Variants in EIF4G3 observed in about 807,000 individuals in gnomAD.
The protein encoded by EIF4G3 is eukaryotic translation initiation factor 4 gamma 3, also known as eIF-4-gamma 3.
Under a neutral mutation model 186.4 loss-of-function variants are expected in EIF4G3, and 34 were observed. The observed-to-expected ratio is 0.18, with a 90% CI of 0.14 to 0.24. The LOEUF (loss-of-function observed/expected upper bound fraction) is 0.24, where lower values mean the gene tolerates loss of function less well. EIF4G3 is among the 10% of genes least tolerant of loss of function. The probability of loss-of-function intolerance (pLI) is 1.00; values close to 1 mark genes in which losing one functional copy is unlikely to be tolerated. For missense variants in EIF4G3, 1,536 were observed against 1,948.5 expected, an observed-to-expected ratio of 0.79 and a Z score of 3.99; for synonymous variants, 673 against 679.5, an observed-to-expected ratio of 0.99 and a Z score of 0.15.
At chr1:20,848,877 C>T (rs1002556849) in intron 29 of EIF4G3, among the ~76,000 whole-genome samples, 1 of 151,312 alleles carries the variant, frequency 6.6e-6, no homozygotes, top group African/African-American at 2.4e-5. Context: ...TGAAACCCCG[C>T]CTCTACTAAA....
intron 3 of EIF4G3, among the ~76,000 whole-genome samples, chr1:21,081,700 T>C (rs1160290124): frequency 2.7e-5 from 4 of 146,466 alleles, no homozygotes; most frequent in African/African-American, 1.0e-4. Flanking sequence ...TGGAGTGCAG[T>C]GGTGCATCTC....
intron 14 of EIF4G3, among the ~76,000 whole-genome samples, chr1:20,939,185 A>C (rs2095622363): frequency 6.6e-6 from 1 of 151,844 alleles, no homozygotes; most frequent in African/African-American, 2.4e-5. Flanking sequence ...GATTTTGAAG[A>C]CTATTAAGAT....
intron 3 of EIF4G3, among the ~76,000 whole-genome samples, chr1:21,074,335 G>A (rs1006143524): frequency 6.6e-6 from 1 of 152,020 alleles, no homozygotes; most frequent in African/African-American, 2.4e-5. Context: ...TATCTCTGGG[G>A]GTAAACTCAC....
chr1:20,925,470 A>C (rs925296090), intron 14 of EIF4G3, among the ~76,000 whole-genome samples: 10 of 152,230 alleles, frequency 6.6e-5, no homozygotes, highest in African/African-American at 2.4e-4. Context: ...CAAAAGCCCT[A>C]ATAGTTTTTG....
chr1:21,084,892 T>C (rs981491689), intron 3 of EIF4G3, among the ~76,000 whole-genome samples: 10 of 152,098 alleles, frequency 6.6e-5, no homozygotes, highest in African/African-American at 2.2e-4. Context: ...TCTTATCCCA[T>C]AAAGATGTAA....
intron 2 of EIF4G3, among the ~76,000 whole-genome samples, chr1:21,145,716 T>C (rs2097427979): frequency 1.3e-5 from 2 of 152,304 alleles, no homozygotes; most frequent in East Asian, 3.9e-4. Context: ...ATGTTAGGAA[T>C]AAAATTTGGT....
chr1:21,047,636 C>T (rs961489488), intron 4 of EIF4G3, among the ~76,000 whole-genome samples: 2 of 152,136 alleles, frequency 1.3e-5, no homozygotes, highest in Admixed American at 6.5e-5. Context: ...CTCCCTTCTT[C>T]GTGTTTCATA....
chr1:20,842,086 A>G (rs201261176), intron 29 of EIF4G3, among the ~76,000 whole-genome samples: 36 of 152,340 alleles, frequency 2.4e-4, no homozygotes, highest in Admixed American at 5.9e-4. Flanking sequence ...ATACAACTAC[A>G]TATCTTCACT....
intron 12 of EIF4G3, among the ~76,000 whole-genome samples, chr1:20,960,251 GA>G (rs1331515594): frequency 6.6e-6 from 1 of 152,100 alleles, no homozygotes; most frequent in Non-Finnish European, 1.5e-5. Flanking sequence ...CAGATCAACT[GA>G]GGTCAGGAGT....
rs112431596 is a variant in EIF4G3 at position 20,847,975 on chromosome 1, T to G, written c.3888+1440A>C. ...AGAAAACAAGTAATATTTTCTTTTT[T>G]TTTGTTTGTTTGAGACAGTCTCACT... On this transcript the variant is annotated intron_variant, in intron 29 of 36. Coordinates refer to ENST00000602326, the MANE Select transcript of EIF4G3 (RefSeq NM_001391906.1). The G allele has an allele frequency of 1.0e-3, 384 of 382,788 alleles. 1 individual carries two copies. The highest frequency in any genetic ancestry group is 3.4e-3 in the African/African-American group (160 of 47,020). The allele number at this position is 382,788 out of a possible 1,614,324, so 23.7% of individuals were successfully genotyped here.
intron 33 of EIF4G3, among the ~76,000 whole-genome samples, chr1:20,821,861 A>G (rs2062455242): frequency 7.3e-6 from 1 of 136,384 alleles, no homozygotes; most frequent in Non-Finnish European, 1.6e-5. Flanking sequence ...CATTTCTAGG[A>G]TAAACCCTAC....
chr1:20,969,660 A>G (rs925321430), intron 11 of EIF4G3, 64 bp from the exon 12 acceptor site: 1 of 1,536,898 alleles, frequency 6.5e-7, no homozygotes, highest in African/African-American at 1.4e-5. Context: ...TTATAGGCAT[A>G]TAAGTGAGTT....
intron 11 of EIF4G3, among the ~76,000 whole-genome samples, chr1:20,971,418 C>T (rs551263614): frequency 9.2e-5 from 14 of 152,320 alleles, no homozygotes; most frequent in African/African-American, 3.1e-4. Context: ...TCTGTAACTA[C>T]TGTCTTCCGG....
chr1:20,834,524 C>T (rs1332314230), intron 30 of EIF4G3, among the ~76,000 whole-genome samples: 1 of 151,648 alleles, frequency 6.6e-6, no homozygotes, highest in Non-Finnish European at 1.5e-5. Context: ...CATTCATAGA[C>T]TGAAAAGGAA....
At chr1:20,838,409 T>C (rs1264927556) in intron 30 of EIF4G3, among the ~76,000 whole-genome samples, 1 of 152,192 alleles carries the variant, frequency 6.6e-6, no homozygotes, top group African/African-American at 2.4e-5. Flanking sequence ...TAAATGGATA[T>C]CCTCGTCACT....
chr1:21,175,038 GCTT>G (rs1393005426), intron 2 of EIF4G3: 12 of 152,314 alleles, frequency 7.9e-5, no homozygotes, highest in African/African-American at 2.9e-4. Context: ...ACAGCAGTTA[GCTT>G]CTTACTTGCT....
intron 32 of EIF4G3, among the ~76,000 whole-genome samples, chr1:20,825,912 C>G (rs1318930098): frequency 6.6e-6 from 1 of 152,152 alleles, no homozygotes; most frequent in Admixed American, 6.5e-5. Context: ...TGAAGAGGTA[C>G]AAGTCCTCTA....
intron 22 of EIF4G3, among the ~76,000 whole-genome samples, chr1:20,863,430 CTTTTTTTTTTTTTTCCT>C (rs2076840478): frequency 8.6e-6 from 1 of 116,650 alleles, no homozygotes; most frequent in Non-Finnish European, 1.8e-5. Context: ...ACCCTGTTAC[CTTTTTTTTTTTTTTCCT>C]TTTTTTTTTT....
At chr1:21,038,728 A>G (rs1041374863) in intron 4 of EIF4G3, among the ~76,000 whole-genome samples, 1 of 152,232 alleles carries the variant, frequency 6.6e-6, no homozygotes, top group Non-Finnish European at 1.5e-5. Context: ...GAAGGGAATC[A>G]TTAACTAGAA....
Sources: gnomAD v4.1 joint callset for allele counts (sites outside exome capture counted in the v4.1 genomes callset) on GRCh38, gnomAD v4.1.1 for gene constraint, MANE v1.5 for transcripts, NCBI Gene and HGNC (gene_info 2026-07-23, HGNC 2026-07-21) for gene names.